Variants in LDAH observed in about 807,000 individuals in gnomAD.
LDAH encodes lipid droplet-associated hydrolase.
LDAH carries 26 observed loss-of-function variants against 29.6 expected under a neutral mutation model. That is an observed-to-expected ratio of 0.88 (90% CI 0.64 to 1.22). LDAH has a LOEUF of 1.22. LDAH is among the 50% of genes most tolerant of loss of function. The pLI, the probability that LDAH is intolerant of heterozygous loss-of-function variation, is 0.00. For synonymous variants in LDAH, 117 were observed against 133.0 expected, an observed-to-expected ratio of 0.88 and a Z score of 0.83; for missense variants, 344 against 387.3, an observed-to-expected ratio of 0.89 and a Z score of 0.94.
chr2:20,700,832 G>T (rs1426673485), intron 6 of LDAH, among the ~76,000 whole-genome samples: 1 of 152,154 alleles, frequency 6.6e-6, no homozygotes, highest in Non-Finnish European at 1.5e-5. Flanking sequence ...GCTTCTGGGG[G>T]AACTAAACTT....
chr2:20,750,151 T>C (rs56395929), intron 4 of LDAH, among the ~76,000 whole-genome samples: 29,143 of 151,734 alleles, frequency 0.19, 3,096 homozygotes, highest in Admixed American at 0.26. Flanking sequence ...TCATCCTCCG[T>C]AGTAGCTGGG....
At chr2:20,808,160 C>T (rs1356817976) in intron 1 of LDAH, among the ~76,000 whole-genome samples, 6 of 152,150 alleles carry the variant, frequency 3.9e-5, no homozygotes, top group South Asian at 2.1e-4. Flanking sequence ...CAGAAAGCTA[C>T]GTGGTTTGCT....
chr2:20,813,405 G>C lies in LDAH; in HGVS notation c.-3+9632C>G, dbSNP rs534363492. Among the ~76,000 whole-genome samples, 172 of 152,138 alleles carry C rather than the reference G, an allele frequency of 1.1e-3. 1 individual carries two copies. The highest frequency in any genetic ancestry group is 3.9e-3 in the African/African-American group (163 of 41,488). On this transcript the variant is annotated intron_variant, in intron 1 of 6. Coordinates refer to ENST00000237822, the MANE Select transcript of LDAH (RefSeq NM_021925.4). The stretch of plus-strand genomic sequence containing the variant: ...ATACTTAATAACATATGGATATCCT[G>C]CCAAGTCAAAGAGTTTATATAAGTA...
At chr2:20,756,472 G>A (rs1258340680) in intron 4 of LDAH, among the ~76,000 whole-genome samples, 2 of 151,960 alleles carry the variant, frequency 1.3e-5, no homozygotes, top group African/African-American at 4.8e-5. Flanking sequence ...GACAATGCAG[G>A]AGCCCAAAAA....
At chr2:20,741,392 T>A (rs1483878065) in intron 4 of LDAH, among the ~76,000 whole-genome samples, 1 of 152,228 alleles carries the variant, frequency 6.6e-6, no homozygotes, top group East Asian at 1.9e-4. Context: ...ATTTTATAGT[T>A]GTGTTTCATA....
chr2:20,768,121 A>T (rs1293453201), intron 4 of LDAH, among the ~76,000 whole-genome samples: 2 of 152,168 alleles, frequency 1.3e-5, no homozygotes, highest in Non-Finnish European at 2.9e-5. Flanking sequence ...ATGTCTGCAA[A>T]CCTCATTCTT....
At chr2:20,729,015 G>A (rs1666213026) in intron 5 of LDAH, among the ~76,000 whole-genome samples, 1 of 152,188 alleles carries the variant, frequency 6.6e-6, no homozygotes, top group Non-Finnish European at 1.5e-5. Flanking sequence ...TTTACAAAAT[G>A]TATTTCATAT....
At chr2:20,738,022 G>C (rs1666913878) in intron 5 of LDAH, among the ~76,000 whole-genome samples, 6 of 151,964 alleles carry the variant, frequency 3.9e-5, no homozygotes, top group African/African-American at 7.3e-5. Context: ...GGGAGGCTGA[G>C]GCGGGCGGAT....
Position 20,716,720 on chromosome 2 carries a change from G to GTATATATA in LDAH, c.704-15076_704-15069dup, listed in dbSNP as rs1362301507. 8.2e-4 allele frequency among the ~76,000 whole-genome samples: 108 copies of GTATATATA among 131,300 alleles called. 10 individuals carry two copies. The highest frequency in any genetic ancestry group is 4.5e-3 in the East Asian group (19 of 4,222). The allele number at this position is 131,300 out of a possible 152,430, so 86.1% of individuals were successfully genotyped here. Reference sequence around the variant, plus strand: ...GTGTAGATGTACCCTAGAACTTTAAGTATATATACATATATATATATATAT... The same window carrying GTATATATA: ...GTGTAGATGTACCCTAGAACTTTAAGTATATATATATATATACATATATATATATATAT... On this transcript the variant is annotated intron_variant, in intron 5 of 6. Transcript: ENST00000237822.
At chr2:20,822,282 GC>G (rs1673376354) in intron 1 of LDAH, among the ~76,000 whole-genome samples, 1 of 152,002 alleles carries the variant, frequency 6.6e-6, no homozygotes, top group African/African-American at 2.4e-5. Flanking sequence ...CCGCCACCAC[GC>G]CCGGCTAATT....
At position 20,755,123 on chromosome 2, in the gene LDAH, CTGTG is replaced by C. The variant is rs771316892; in HGVS notation, c.469-14922_469-14919del. On this transcript the variant is annotated intron_variant, in intron 4 of 6. Transcript: ENST00000237822. ...CGGTTCAAGAAGAAATATTGTGTGT[CTGTG>C]TTTGTGTGTGTGTGTGTGTGTGTGT... Among the ~76,000 whole-genome samples the C allele has an allele frequency of 7.0e-5, 6 of 85,864 alleles. No homozygotes were observed. In the East Asian group the frequency reaches 2.1e-3, roughly 29 times the overall value. The allele number at this position is 85,864 out of a possible 152,430, so 56.3% of individuals were successfully genotyped here.
At chr2:20,690,773 T>C (rs114300617) in intron 6 of LDAH, among the ~76,000 whole-genome samples, 2,178 of 152,144 alleles carry the variant, frequency 0.014, 49 homozygotes, top group African/African-American at 0.05. Context: ...CAGTGCATAC[T>C]CTTTATTTAT....
intron 1 of LDAH, among the ~76,000 whole-genome samples, chr2:20,819,521 A>G (rs914906728): frequency 6.6e-6 from 1 of 151,812 alleles, no homozygotes; most frequent in Non-Finnish European, 1.5e-5. Flanking sequence ...CAAAAACCAC[A>G]TGATTATCTC....
chr2:20,808,197 C>T (rs1057200515), intron 1 of LDAH, among the ~76,000 whole-genome samples: 4 of 152,078 alleles, frequency 2.6e-5, no homozygotes, highest in African/African-American at 7.2e-5. Context: ...AATTAAATAA[C>T]GAGGGGACAA....
chr2:20,713,193 A>G (rs11675335), intron 5 of LDAH, among the ~76,000 whole-genome samples: 36,650 of 152,182 alleles, frequency 0.24, 4,913 homozygotes, highest in East Asian at 0.36. Context: ...CGGATCTCTC[A>G]GCAGAAACTC....
At position 20,810,470 on chromosome 2, in the gene LDAH, T is replaced by C. The variant is rs377253537; in HGVS notation, c.-2-9005A>G. 1.3e-3 allele frequency among the ~76,000 whole-genome samples: 204 copies of C among 152,310 alleles called. 3 individuals carry two copies. In the South Asian group the frequency reaches 0.037, roughly 28 times the overall value. On this transcript the variant is annotated intron_variant, in intron 1 of 6. Transcript: ENST00000237822. ...CAAAGACAGCATGTTCTTTGTACAA[T>C]ATGACTGTGACATTTCTACTGAGAG...
intron 5 of LDAH, among the ~76,000 whole-genome samples, chr2:20,716,720 G>GTATA (rs1362301507): frequency 2.6e-4 from 34 of 131,356 alleles, no homozygotes; most frequent in Admixed American, 7.3e-4. Flanking sequence ...AGAACTTTAA[G>GTATA]TATATATACA....
intron 1 of LDAH, among the ~76,000 whole-genome samples, chr2:20,811,670 G>C (rs762425673): frequency 5.9e-5 from 9 of 151,474 alleles, no homozygotes; most frequent in Non-Finnish European, 1.0e-4. Flanking sequence ...ATTTTTAGTA[G>C]AGATGGGGTT....
At chr2:20,752,017 A>G (rs1668006874) in intron 4 of LDAH, among the ~76,000 whole-genome samples, 1 of 152,070 alleles carries the variant, frequency 6.6e-6, no homozygotes, top group Non-Finnish European at 1.5e-5. Flanking sequence ...TCAGCCTCCT[A>G]AGTAGCTGGA....
Sources: allele counts gnomAD v4.1 joint callset (sites outside exome capture counted in the v4.1 genomes callset), GRCh38; gene constraint gnomAD v4.1.1; transcripts MANE v1.5; gene names NCBI Gene and HGNC (gene_info 2026-07-23, HGNC 2026-07-21).